Variants in ARHGEF18 observed in about 807,000 individuals in gnomAD.
ARHGEF18 encodes Rho/Rac guanine nucleotide exchange factor 18.
In ARHGEF18, 93 loss-of-function variants were observed where a neutral mutation model predicts 155.7. The observed-to-expected ratio is 0.60, with a 90% confidence interval of 0.50 to 0.71. The LOEUF (loss-of-function observed/expected upper bound fraction) is 0.71. Among genes scored for constraint, ARHGEF18 ranks in the 30% least tolerant of loss-of-function variants. The probability of loss-of-function intolerance (pLI) is 0.00; values close to 1 mark genes in which losing one functional copy is unlikely to be tolerated. For synonymous variants in ARHGEF18, 742 were observed against 753.1 expected, an observed-to-expected ratio of 0.99 and a Z score of 0.24; for missense variants, 1,593 against 1,816.1, an observed-to-expected ratio of 0.88 and a Z score of 2.23.
In ARHGEF18 at chr19:7,444,113, G is replaced by A. The variant is rs1974841240; in HGVS notation, c.1361-91G>A. On this transcript the variant is annotated intron_variant, in intron 13 of 28. Coordinates refer to ENST00000668164, the MANE Select transcript of ARHGEF18 (RefSeq NM_001367823.1). The surrounding 1 kb of genome is among the most constrained non-coding windows in gnomAD (Gnocchi z 4.7). ...TTAGGCAGAGAACTCTCAGAAGCCAGTTCAGCACGTGAAGGGCAGGCAGCA... is the reference window on the plus strand; with the variant it reads ...TTAGGCAGAGAACTCTCAGAAGCCAATTCAGCACGTGAAGGGCAGGCAGCA... 1.3e-6 allele frequency: 2 copies of A among 1,533,930 alleles called. No homozygotes were observed. The highest frequency in any genetic ancestry group is 1.8e-5 in the Admixed American group (1 of 54,758).
At position 7,461,752 on chromosome 19, in the gene ARHGEF18, C is replaced by T. The variant is rs897863047; in HGVS notation, c.2453-400C>T. Reference sequence around the variant, plus strand: ...ACAGTACTGCAGTCATAGCTCACTGCAGCCTTGAACTCCTGGGCTCAAGCG... The same window carrying T: ...ACAGTACTGCAGTCATAGCTCACTGTAGCCTTGAACTCCTGGGCTCAAGCG... On this transcript the variant is annotated intron_variant, in intron 20 of 28. Transcript: ENST00000668164. 4.6e-5 allele frequency among the ~76,000 whole-genome samples: 7 copies of T among 152,258 alleles called. No homozygotes were observed. In the East Asian group the frequency reaches 1.4e-3, roughly 29 times the overall value.
rs34155241 is a variant in ARHGEF18 at position 7,462,836 on chromosome 19, C to CTTT, written c.2635+518_2635+520dup. 2.1e-5 allele frequency among the ~76,000 whole-genome samples: 2 copies of CTTT among 96,478 alleles called. No homozygotes were observed. The highest frequency in any genetic ancestry group is 3.5e-4 in the South Asian group (1 of 2,888). The allele number at this position is 96,478 out of a possible 152,430, so 63.3% of individuals were successfully genotyped here. ...AGTCTGCTCTTTCTTTTTTTCTTTTCTTTTTTTTTTTTTTTTTTGAGATGG... is the reference window on the plus strand; with the variant it reads ...AGTCTGCTCTTTCTTTTTTTCTTTTCTTTTTTTTTTTTTTTTTTTTTGAGATGG... On this transcript the variant is annotated intron_variant, in intron 21 of 28. Coordinates refer to ENST00000668164, the MANE Select transcript of ARHGEF18 (RefSeq NM_001367823.1). This position sits in a 1 kb window ranked among gnomAD's most constrained non-coding sequence, Gnocchi z 4.4.
rs1568352345 is a variant in ARHGEF18 at position 7,453,528 on chromosome 19, A to G, written c.1917A>G (p.Ser639=). 6.2e-7 allele frequency: 1 copy of G among 1,614,012 alleles called. No homozygotes were observed. The highest frequency in any genetic ancestry group is 8.5e-7 in the Non-Finnish European group (1 of 1,179,900). ...QALNLIKDII[S]QVDAKVSECE... is the part of the protein sequence containing the mutation. ...TGAACCTCATCAAAGATATCATCTC[A>G]CAAGTGGACGCCAAGGTCAGTGAGT... Residue 639 remains serine (S), a synonymous_variant, in exon 17 of 29, where the codon TCA becomes TCG. Coordinates refer to ENST00000668164, the MANE Select transcript of ARHGEF18 (RefSeq NM_001367823.1).
intron 10 of ARHGEF18, among the ~76,000 whole-genome samples, chr19:7,432,081 GT>G (rs200476171): frequency 0.022 from 3,368 of 152,134 alleles, 61 homozygotes; most frequent in Non-Finnish European, 0.036. Context: ...GGATGAAGGG[GT>G]TTTTTTCTTC....
chr19:7,419,223 C>T (rs1568316887), intron 10 of ARHGEF18, among the ~76,000 whole-genome samples: 2 of 147,770 alleles, frequency 1.4e-5, no homozygotes, highest in African/African-American at 2.6e-5. Flanking sequence ...TACCCACACT[C>T]GGCCTCTGTA....
At chr19:7,380,330 T>C (rs1026868066) in intron 7 of ARHGEF18, among the ~76,000 whole-genome samples, 1 of 151,788 alleles carries the variant, frequency 6.6e-6, no homozygotes, top group African/African-American at 2.4e-5. Flanking sequence ...ATACAAAAAA[T>C]TAGCTGGGCA....
chr19:7,460,068 A>G, intron 20 of ARHGEF18, 74 bp downstream of exon 20: 7 of 1,405,396 alleles, frequency 5.0e-6, no homozygotes, highest in Non-Finnish European at 6.8e-6. Context: ...CTGGCCACAG[A>G]GGGTGAACTG....
At position 7,452,745 on chromosome 19, in the gene ARHGEF18, C is replaced by T. The variant is rs1044834580; in HGVS notation, c.1856-722C>T. 4.6e-5 allele frequency among the ~76,000 whole-genome samples: 7 copies of T among 151,166 alleles called. No individual in the cohort carries two copies. In the East Asian group the frequency reaches 1.0e-3, roughly 22 times the overall value. ...CCTCCCAGAGTGCTGGGATTACAGGCGTGAGCCACCATGCCCAGCTGGGAG... is the reference window on the plus strand; with the variant it reads ...CCTCCCAGAGTGCTGGGATTACAGGTGTGAGCCACCATGCCCAGCTGGGAG... On this transcript the variant is annotated intron_variant, in intron 16 of 28. Transcript: ENST00000668164.
At chr19:7,419,796 A>T (rs968969354) in intron 10 of ARHGEF18, among the ~76,000 whole-genome samples, 1 of 151,932 alleles carries the variant, frequency 6.6e-6, no homozygotes, top group Non-Finnish European at 1.5e-5. Flanking sequence ...CCCCAAGCCC[A>T]TGCAGGTGGC....
chr19:7,417,879 C>T (rs774241192), intron 10 of ARHGEF18, among the ~76,000 whole-genome samples: 12 of 152,106 alleles, frequency 7.9e-5, no homozygotes, highest in Non-Finnish European at 1.3e-4. Flanking sequence ...GCCAGAGGTC[C>T]TGGACTCTCT....
At chr19:7,362,185 GAGAAGAAGGAGA>G (rs879885364) in intron 1 of ARHGEF18, among the ~76,000 whole-genome samples, 8 of 101,922 alleles carry the variant, frequency 7.8e-5, no homozygotes, top group South Asian at 6.4e-4. Context: ...GGAGAAGAAG[GAGAAGAAGGAGA>G]AGAAGAAGGA....
At chr19:7,477,309 CG>C, downstream of ARHGEF18, 3 of 1,563,812 alleles carry the variant, frequency 1.9e-6, no homozygotes, top group Non-Finnish European at 2.6e-6. Flanking sequence ...GGGAAGCGGC[CG>C]GCCCACAGCA....
intron 10 of ARHGEF18, among the ~76,000 whole-genome samples, chr19:7,434,535 A>T (rs1441064132): frequency 5.9e-5 from 9 of 152,176 alleles, no homozygotes; most frequent in Non-Finnish European, 1.3e-4. Flanking sequence ...ACCTCTCAGC[A>T]GTGGGCAGGA....
rs1975831132 is a variant in ARHGEF18, at chr19:7,456,401, G to A, written c.2179G>A (p.Val727Met). ...AGATCAGAAATACGTCTTTGCTTCT[G>A]TGGTATGTATCCTGTCTCTTCAGAC... ...EKDQKYVFASVDSKPPVISLQ... is the reference protein window; with the variant it reads ...EKDQKYVFASMDSKPPVISLQ... The change falls in exon 18 of 29, where the codon GTG (valine) becomes ATG (methionine). Residue 727 changes from valine to methionine, a missense_variant and splice_region_variant. Val to Met is a conservative substitution (Grantham distance 21). Transcript: ENST00000668164. 1 of 1,613,788 alleles carries A rather than the reference G, an allele frequency of 6.2e-7. No homozygotes were observed. Among genetic ancestry groups the A allele is most frequent in the South Asian group, 1.1e-5 (1 of 91,078 alleles).
intron 10 of ARHGEF18, among the ~76,000 whole-genome samples, chr19:7,383,927 CT>C (rs1970866809): frequency 6.6e-6 from 1 of 151,884 alleles, no homozygotes; most frequent in Non-Finnish European, 1.5e-5. Flanking sequence ...GAAAGAGTCT[CT>C]ACTCGAGAAA....
chr19:7,389,975 G>A (rs562052249), intron 10 of ARHGEF18, among the ~76,000 whole-genome samples: 17 of 152,214 alleles, frequency 1.1e-4, no homozygotes, highest in Admixed American at 2.0e-4. Context: ...GCTGAGGCAG[G>A]AGGATCCCTT....
At chr19:7,369,251 C>G (rs922809995) in intron 2 of ARHGEF18, among the ~76,000 whole-genome samples, 2 of 151,646 alleles carry the variant, frequency 1.3e-5, no homozygotes, top group Non-Finnish European at 2.9e-5. Flanking sequence ...CATCTGAGGT[C>G]GGGGGTTTGA....
rs1976979454 is a variant in ARHGEF18, at chr19:7,470,759, G to C, written c.*461G>C. The C allele has an allele frequency of 5.0e-6, 2 of 400,924 alleles. No homozygotes were observed. Among genetic ancestry groups the C allele is most frequent in the Admixed American group, 8.8e-5 (2 of 22,708 alleles). The allele number at this position is 400,924 out of a possible 1,614,324, so 24.8% of individuals were successfully genotyped here. A position where few individuals can be genotyped will look rare whatever the true frequency, so the allele number is the denominator to read the frequency against. On this transcript the variant is annotated 3_prime_UTR_variant, in exon 29 of 29. Transcript: ENST00000668164. The surrounding 1 kb of genome is among the most constrained non-coding windows in gnomAD (Gnocchi z 5.9). ...AGCCGCCGCGCGACAGTGGAGCCAA[G>C]GGTTAGGGCACCAGGAGGGGCCAGG...
At chr19:7,380,796 G>A (rs1970698786) in intron 7 of ARHGEF18, 121 bp from the exon 8 acceptor site, 2 of 501,194 alleles carry the variant, frequency 4.0e-6, no homozygotes, top group Non-Finnish European at 6.2e-6. Flanking sequence ...AGCCCAGAGT[G>A]TCAAGGACAG....
Sources: allele counts gnomAD v4.1 joint callset (sites outside exome capture counted in the v4.1 genomes callset), GRCh38; gene constraint gnomAD v4.1.1; non-coding constraint Gnocchi (gnomAD v3.1); transcripts MANE v1.5; gene names NCBI Gene and HGNC (gene_info 2026-07-23, HGNC 2026-07-21).